The following MLPH variants were observed in gnomAD, a reference collection of about 807,000 sequenced individuals.
MLPH encodes the protein melanophilin.
MLPH carries 51 observed loss-of-function variants against 72.1 expected under a neutral mutation model. That is an observed-to-expected ratio of 0.71 (90% confidence interval 0.56 to 0.89). MLPH has a LOEUF of 0.89. MLPH is among the 40% of genes least tolerant of loss of function. The pLI is 0.00. For missense variants in MLPH, 743 were observed against 759.9 expected (o/e 0.98, Z 0.26); for synonymous variants, 301 against 310.1 (o/e 0.97, Z 0.31).
intron 6 of MLPH, among the ~76,000 whole-genome samples, chr2:237,520,943 G>A (rs2080169462): frequency 6.6e-6 from 1 of 152,144 alleles, no homozygotes; most frequent in South Asian, 2.1e-4. Flanking sequence ...TCTGTAATGG[G>A]TATTTTAGTT....
chr2:237,533,796 C>T (rs2080475194), intron 8 of MLPH, among the ~76,000 whole-genome samples: 2 of 152,150 alleles, frequency 1.3e-5, no homozygotes, highest in Admixed American at 1.3e-4. Context: ...TAACTGAAAT[C>T]CTGGTGTTGA....
At chr2:237,530,152 T>A (rs1441325980) in intron 8 of MLPH, among the ~76,000 whole-genome samples, 1 of 152,188 alleles carries the variant, frequency 6.6e-6, no homozygotes, top group Non-Finnish European at 1.5e-5. Flanking sequence ...TGCAGATTCC[T>A]CTCCCAAGGC....
chr2:237,507,642 T>C (rs961668822), intron 2 of MLPH, among the ~76,000 whole-genome samples: 10 of 152,216 alleles, frequency 6.6e-5, no homozygotes, highest in African/African-American at 1.9e-4. Context: ...AGTCTCCCGG[T>C]GTTGGAAACC....
Position 237,511,086 on chromosome 2 carries a change from C to T in MLPH, c.430C>T (p.Arg144Trp), listed in dbSNP as rs138667878. 7.6e-5 allele frequency: 122 copies of T among 1,613,548 alleles called. No homozygotes were observed. In the African/African-American group the frequency reaches 1.1e-3, roughly 15 times the overall value. The change falls in exon 4 of 16, where the codon CGG (arginine) becomes TGG (tryptophan). Residue 144 changes from arginine (R) to tryptophan (W), a missense_variant. Arg to Trp is a moderately radical substitution (Grantham distance 101). Coordinates refer to ENST00000264605, the MANE Select transcript of MLPH (RefSeq NM_024101.7). Reference protein sequence around the residue: ...SAKVIRSLHGRLQGGAGPELI... With the variant: ...SAKVIRSLHGWLQGGAGPELI... Reference sequence around the variant, plus strand: ...CAAGGTCATCCGGTCCCTCCACGGGCGGCTGCAGGGTGGAGGTAAGGAGTG... The same window carrying T: ...CAAGGTCATCCGGTCCCTCCACGGGTGGCTGCAGGGTGGAGGTAAGGAGTG...
intron 4 of MLPH, among the ~76,000 whole-genome samples, chr2:237,516,543 G>A (rs2080021499): frequency 6.6e-6 from 1 of 152,242 alleles, no homozygotes; most frequent in Non-Finnish European, 1.5e-5. Flanking sequence ...ACACTCCACA[G>A]CTCCAGGGTC....
intron 12 of MLPH, chr2:237,545,530 AAAGGAGCCGCCTG>A: frequency 7.8e-7 from 1 of 1,289,036 alleles, no homozygotes; most frequent in Non-Finnish European, 1.0e-6. Context: ...GTAAAATCCA[AAAGGAGCCGCCTG>A]AATCATGTTG....
At chr2:237,496,363 C>G (rs2079535926) in intron 2 of MLPH, among the ~76,000 whole-genome samples, 1 of 152,166 alleles carries the variant, frequency 6.6e-6, no homozygotes, top group Non-Finnish European at 1.5e-5. Flanking sequence ...CCAGTCCAGG[C>G]TTATCTGAAG....
chr2:237,518,657 T>C lies in MLPH; in HGVS notation c.555+9T>C, dbSNP rs1180075983. ...AGCCCTTTGGCAGCAAAGTAAGTCA[T>C]CTCCAGCCACCCCCTCCTCAGCCAC... On this transcript the variant is annotated intron_variant, in intron 5 of 15. Coordinates refer to ENST00000264605, the MANE Select transcript of MLPH (RefSeq NM_024101.7). 6.2e-7 allele frequency: 1 copy of C among 1,605,570 alleles called. No individual in the cohort carries two copies.
chr2:237,519,469 C>A (rs2080128216), intron 5 of MLPH, among the ~76,000 whole-genome samples: 2 of 152,220 alleles, frequency 1.3e-5, no homozygotes. Flanking sequence ...GAACTAAATG[C>A]AGGCTCTTAC....
chr2:237,536,732 C>T (rs564568568), intron 9 of MLPH, among the ~76,000 whole-genome samples: 1,675 of 152,330 alleles, frequency 0.011, 15 homozygotes, highest in Non-Finnish European at 0.015. Flanking sequence ...TCACTCACCT[C>T]CTTCACCCCC....
intron 2 of MLPH, among the ~76,000 whole-genome samples, chr2:237,494,174 C>T (rs147218510): frequency 9.3e-5 from 14 of 150,994 alleles, no homozygotes; most frequent in Admixed American, 3.9e-4. Context: ...AGGATGCTCC[C>T]GGCGAAGGGG....
In MLPH at chr2:237,553,678, A is replaced by G; in HGVS notation, c.*86A>G. On this transcript the variant is annotated 3_prime_UTR_variant, in exon 16 of 16. Coordinates refer to ENST00000264605, the MANE Select transcript of MLPH (RefSeq NM_024101.7). ...GTCCCTCATTGGCTCTGTGCTTTCC[A>G]CTATACACAGTCACCGTCCCAATGA... 5 of 1,568,952 alleles carry G rather than the reference A, an allele frequency of 3.2e-6. No individual in the cohort carries two copies. The highest frequency in any genetic ancestry group is 1.1e-5 in the South Asian group (1 of 90,228).
rs1017529964 is a variant in MLPH, at chr2:237,555,206, G to A, written c.*1614G>A. The A allele has an allele frequency of 2.0e-5, 3 of 152,236 alleles. No homozygotes were observed. Among genetic ancestry groups the A allele is most frequent in the African/African-American group, 7.2e-5 (3 of 41,442 alleles). 9.4% of individuals were successfully genotyped at this position (152,236 alleles called of 1,614,324 possible). A position where few individuals can be genotyped will look rare whatever the true frequency, so the allele number is the denominator to read the frequency against. On this transcript the variant is annotated 3_prime_UTR_variant, in exon 16 of 16. Transcript: ENST00000264605. ...GCAGGAGGATCACTTGAGCCCTGGAGGTTGGGGCTGCAGTGAGCCATGATC... is the reference window on the plus strand; with the variant it reads ...GCAGGAGGATCACTTGAGCCCTGGAAGTTGGGGCTGCAGTGAGCCATGATC...
chr2:237,511,602 T>C (rs970654079), intron 4 of MLPH: 1 of 172,796 alleles, frequency 5.8e-6, no homozygotes, highest in Non-Finnish European at 1.3e-5. Context: ...CCAGGGTGCT[T>C]GTTAATACTA....
In MLPH at chr2:237,542,591, G is replaced by T. The variant is rs931264125; in HGVS notation, c.1471G>T (p.Ala491Ser). The T allele has an allele frequency of 1.4e-5, 23 of 1,604,256 alleles. No homozygotes were observed. Among genetic ancestry groups the T allele is most frequent in the Non-Finnish European group, 1.9e-5 (22 of 1,176,384 alleles). The part of the protein sequence containing the change: ...SEVSDIESRI[A>S]ALRAAGLTVK... Reference sequence around the variant, plus strand: ...GGTTTCAGACATTGAATCCAGGATTGCAGCCCTGAGGGCCGCAGGGCTCAC... The same window carrying T: ...GGTTTCAGACATTGAATCCAGGATTTCAGCCCTGAGGGCCGCAGGGCTCAC... Residue 491 changes from alanine to serine, a missense_variant, in exon 12 of 16, where the codon GCA becomes TCA. Ala to Ser is a moderately conservative substitution (Grantham distance 99). Transcript: ENST00000264605.
At chr2:237,515,257 C>T (rs1250821566) in intron 4 of MLPH, among the ~76,000 whole-genome samples, 2 of 152,150 alleles carry the variant, frequency 1.3e-5, no homozygotes, top group African/African-American at 4.8e-5. Context: ...GTCTCCATCT[C>T]GCAGGAGGCT....
At chr2:237,549,679 A>G (rs1317125630) in intron 14 of MLPH, among the ~76,000 whole-genome samples, 2 of 152,128 alleles carry the variant, frequency 1.3e-5, no homozygotes, top group Non-Finnish European at 2.9e-5. Context: ...AGGCCTCCCC[A>G]GCACGTGGCC....
At position 237,512,633 on chromosome 2, in the gene MLPH, C is replaced by T. The variant is rs1255615843; in HGVS notation, c.445+1532C>T. ...CAAATCCCACCTCCCCACACGCACA[C>T]GGCCAGCCTGGAGCCCACAGAAGGG... On this transcript the variant is annotated intron_variant, in intron 4 of 15. Transcript: ENST00000264605. The surrounding 1 kb of genome is among the most constrained non-coding windows in gnomAD (Gnocchi z 5.5). Among the ~76,000 whole-genome samples, 8 of 152,108 alleles carry T rather than the reference C, an allele frequency of 5.3e-5. No homozygotes were observed. Among genetic ancestry groups the T allele is most frequent in the East Asian group, 3.9e-4 (2 of 5,186 alleles).
At chr2:237,494,654 C>T (rs1454465331) in intron 2 of MLPH, among the ~76,000 whole-genome samples, 4 of 152,096 alleles carry the variant, frequency 2.6e-5, no homozygotes, top group Admixed American at 2.0e-4. Flanking sequence ...GCCTGAGCAA[C>T]TTCAAGGACA....
Sources: gnomAD v4.1 joint callset for allele counts (sites outside exome capture counted in the v4.1 genomes callset) on GRCh38, gnomAD v4.1.1 for gene constraint, Gnocchi (gnomAD v3.1) non-coding constraint, MANE v1.5 for transcripts, NCBI Gene and HGNC (gene_info 2026-07-23, HGNC 2026-07-21) for gene names.